PDZD7: variants seen among roughly 807,000 people sequenced by gnomAD.
PDZD7 encodes the protein PDZ domain-containing protein 7.
A neutral mutation model predicts 84.7 loss-of-function variants in PDZD7; 72 were observed. That is an observed-to-expected ratio of 0.85 (90% CI 0.70 to 1.03). The LOEUF is 1.03. Among genes scored for constraint, PDZD7 ranks in the 50% least tolerant of loss-of-function variants. The pLI is 0.00. For synonymous variants in PDZD7, 594 were observed against 580.7 expected (o/e 1.02, Z -0.33); for missense variants, 1,490 against 1,412.9 (o/e 1.05, Z -0.87).
chr10:101,008,456 T>TA lies in PDZD7; in HGVS notation c.*10dup. The TA allele has an allele frequency of 6.7e-7, 1 of 1,487,904 alleles. No homozygotes were observed. Among genetic ancestry groups the TA allele is most frequent in the African/African-American group, 1.4e-5 (1 of 70,518 alleles). The allele number at this position is 1,487,904 out of a possible 1,614,324, so 92.2% of individuals were successfully genotyped here. ...TGGAGTCAGTGGGTGAATCTGAGGTTAGGGGGAGGGTCATGGGATGCGTGG... is the reference window on the plus strand; with the variant it reads ...TGGAGTCAGTGGGTGAATCTGAGGTTAAGGGGGAGGGTCATGGGATGCGTGG... On this transcript the variant is annotated 3_prime_UTR_variant, in exon 17 of 17. Coordinates refer to ENST00000619208, the MANE Select transcript of PDZD7 (RefSeq NM_001195263.2).
In PDZD7 at chr10:101,010,445, G is replaced by A. The variant is rs773325280; in HGVS notation, c.2444C>T (p.Pro815Leu). 9 of 1,535,988 alleles carry A rather than the reference G, an allele frequency of 5.9e-6. No individual in the cohort carries two copies. The South Asian group carries it at 1.1e-4, about 18-fold the overall frequency. ...TGGCAGAGGGGGTCTGGCCTTCCGA[G>A]GCTTGTGGTAGCGCCCATTGGTCAT... ...PSMTNGRYHK[P>L]RKARPPLPRP... is the part of the protein sequence containing the mutation. The change falls in exon 15 of 17, where the codon CCT (proline) becomes CTT (leucine). Residue 815 changes from proline to leucine, a missense_variant. By Grantham distance (98) the Pro-to-Leu change is moderately conservative. Coordinates refer to ENST00000619208, the MANE Select transcript of PDZD7 (RefSeq NM_001195263.2).
intron 7 of PDZD7, among the ~76,000 whole-genome samples, chr10:101,019,566 TC>T (rs1852946295): frequency 2.9e-5 from 4 of 135,766 alleles, no homozygotes; most frequent in African/African-American, 9.2e-5. Flanking sequence ...CTCCTCCTCC[TC>T]CTCCTCCTCC....
Position 101,013,357 on chromosome 10 carries a change from G to A in PDZD7, c.1750-1099C>T, listed in dbSNP as rs116383340. ...CCTGTCTCAGATCTTCAGGAACTGG[G>A]TCTAGTGGGAGCGAGGGGAAGATGA... On this transcript the variant is annotated intron_variant, in intron 11 of 16. Coordinates refer to ENST00000619208, the MANE Select transcript of PDZD7 (RefSeq NM_001195263.2). Among the ~76,000 whole-genome samples, 967 of 152,316 alleles carry A rather than the reference G, an allele frequency of 6.3e-3. 13 individuals carry two copies. The highest frequency in any genetic ancestry group is 0.022 in the African/African-American group (931 of 41,564).
intron 2 of PDZD7, among the ~76,000 whole-genome samples, chr10:101,025,983 A>G (rs1232331607): frequency 1.3e-5 from 2 of 152,104 alleles, no homozygotes; most frequent in African/African-American, 2.4e-5. Flanking sequence ...GTGATTCTGG[A>G]AGTCAGAGTT....
rs187011281 is a variant in PDZD7 at position 101,009,676 on chromosome 10, C to T, written c.2618-326G>A. Among the ~76,000 whole-genome samples, 222 of 132,702 alleles carry T rather than the reference C, an allele frequency of 1.7e-3. No homozygotes were observed. In the East Asian group the frequency reaches 0.021, roughly 12 times the overall value. The allele number at this position is 132,702 out of a possible 152,430, so 87.1% of individuals were successfully genotyped here. A position where few individuals can be genotyped will look rare whatever the true frequency, so the allele number is the denominator to read the frequency against. ...AGGCTGGAGTGCAATGGCACGATCT[C>T]GGCTCACCGCAACCTCCGCCTCCCG... is the stretch of plus-strand genomic sequence containing the variant. On this transcript the variant is annotated intron_variant, in intron 15 of 16. Coordinates refer to ENST00000619208, the MANE Select transcript of PDZD7 (RefSeq NM_001195263.2).
In PDZD7 at chr10:101,008,752, G is replaced by A. The variant is rs940669870; in HGVS notation, c.2817C>T (p.Ala939=). ...DTIRRAYRNK[A]REPMELVVRV... ...TGACCACAAGCTCCATGGGCTCCCG[G>A]GCCTTGTTTCGATAAGCCCGACGGA... is the stretch of plus-strand genomic sequence containing the variant. Residue 939 remains alanine (A), a synonymous_variant, in exon 17 of 17, where the codon GCC becomes GCT. Coordinates refer to ENST00000619208, the MANE Select transcript of PDZD7 (RefSeq NM_001195263.2). The A allele has an allele frequency of 3.3e-6, 5 of 1,535,820 alleles. No homozygotes were observed. The highest frequency in any genetic ancestry group is 1.2e-5 in the South Asian group (1 of 84,050).
In PDZD7 at chr10:101,010,758, G is replaced by T. The variant is rs1402819603; in HGVS notation, c.2131C>A (p.His711Asn). Residue 711 changes from histidine to asparagine, a missense_variant, in exon 15 of 17, where the codon CAT becomes AAT. Coordinates refer to ENST00000619208, the MANE Select transcript of PDZD7 (RefSeq NM_001195263.2). ...TCTTGTAGAGGGGGGATCCCTTTAT[G>T]GGGGTGGCGAGGGGCAGAGGCACTT... ...SPSASAPRHP[H>N]KGIPPLQDVP... 1.3e-6 allele frequency: 2 copies of T among 1,534,782 alleles called. No homozygotes were observed. The highest frequency in any genetic ancestry group is 2.0e-5 in the Admixed American group (1 of 50,950).
rs904110582 is a variant in PDZD7 at position 101,021,957 on chromosome 10, C to T, written c.720-12G>A. ...CACCATGGTCCACTCTGAGGCCAGACAGGCGTCAGTCTGATAGGCCCCTGG... is the reference window on the plus strand; with the variant it reads ...CACCATGGTCCACTCTGAGGCCAGATAGGCGTCAGTCTGATAGGCCCCTGG... On this transcript the variant is annotated splice_polypyrimidine_tract_variant and intron_variant, in intron 5 of 16. Transcript: ENST00000619208. The T allele has an allele frequency of 6.2e-7, 1 of 1,614,082 alleles. No individual in the cohort carries two copies. Among genetic ancestry groups the T allele is most frequent in the Non-Finnish European group, 8.5e-7 (1 of 1,180,012 alleles).
intron 9 of PDZD7, chr10:101,017,717 C>T (rs1227627511): frequency 2.9e-5 from 19 of 648,700 alleles, no homozygotes; most frequent in Non-Finnish European, 4.5e-5. Flanking sequence ...GCGTGGGAGG[C>T]GCAGGTCGCA....
chr10:101,017,775 A>C (rs1057309140), intron 9 of PDZD7: 7 of 526,244 alleles, frequency 1.3e-5, no homozygotes, highest in Non-Finnish European at 2.3e-5. Context: ...AACAAGAGCA[A>C]AACTCCATCT....
At chr10:101,018,762 T>G in intron 8 of PDZD7, 60 bp downstream of exon 8, 6 of 1,505,150 alleles carry the variant, frequency 4.0e-6, no homozygotes, top group Non-Finnish European at 4.4e-6. Flanking sequence ...GGACAGGATG[T>G]GAGACAGGTT....
At chr10:101,016,788 C>T (rs966340613) in intron 9 of PDZD7, among the ~76,000 whole-genome samples, 2 of 151,998 alleles carry the variant, frequency 1.3e-5, no homozygotes, top group Admixed American at 1.3e-4. Flanking sequence ...GAGGAGTGGC[C>T]AGAGAGGTGG....
In PDZD7 at chr10:101,026,173, C is replaced by T. The variant is rs185508773; in HGVS notation, c.227-2105G>A. ...TTTTTGAGACGGAATCTCGCTTCTT[C>T]TCCCAGGCTGGAGTGCAATGGCTCA... is the stretch of plus-strand genomic sequence containing the variant. On this transcript the variant is annotated intron_variant, in intron 2 of 16. Transcript: ENST00000619208. 1.8e-3 allele frequency among the ~76,000 whole-genome samples: 272 copies of T among 151,530 alleles called. 2 individuals carry two copies. Among genetic ancestry groups the T allele is most frequent in the East Asian group, 3.5e-3 (18 of 5,134 alleles).
In PDZD7 at chr10:101,008,776, G is replaced by T. The variant is rs890586648; in HGVS notation, c.2793C>A (p.Ile931=). 1 of 1,535,438 alleles carries T rather than the reference G, an allele frequency of 6.5e-7. No homozygotes were observed. The highest frequency in any genetic ancestry group is 2.4e-5 in the East Asian group (1 of 40,894). Residue 931 remains isoleucine, a synonymous_variant, in exon 17 of 17, where the codon ATC becomes ATA. Transcript: ENST00000619208. ...QVTHQRAVDT[I]RRAYRNKARE... is the part of the protein sequence containing the mutation. The stretch of plus-strand genomic sequence containing the variant: ...GGGCCTTGTTTCGATAAGCCCGACG[G>T]ATGGTGTCTACTGCACGCTGGTGGG...
Position 101,023,972 on chromosome 10 carries a change from C to G in PDZD7, c.323G>C (p.Gly108Ala). Residue 108 changes from glycine to alanine, a missense_variant, in exon 3 of 17, where the codon GGC becomes GCC. Gly to Ala is a moderately conservative substitution (Grantham distance 60). Transcript: ENST00000619208. Reference protein sequence around the residue: ...GFSVRGGSEHGLGIFVSKVEE... With the variant: ...GFSVRGGSEHALGIFVSKVEE... ...CACTTTGCTGACGAAGATGCCCAGG[C>G]CATGCTCTGAGCCCCCGCGCACGCT... 1.2e-6 allele frequency: 2 copies of G among 1,614,254 alleles called. No homozygotes were observed. The highest frequency in any genetic ancestry group is 1.7e-6 in the Non-Finnish European group (2 of 1,180,052).
intron 3 of PDZD7, 31 bp from the exon 4 acceptor site, chr10:101,023,641 G>A (rs757501847): frequency 4.4e-6 from 7 of 1,606,768 alleles, no homozygotes; most frequent in Non-Finnish European, 5.9e-6. Flanking sequence ...GGCTGGCATG[G>A]GTCCCCAGGG....
intron 10 of PDZD7, among the ~76,000 whole-genome samples, chr10:101,016,056 C>T (rs191997927): frequency 7.2e-5 from 11 of 152,142 alleles, no homozygotes; most frequent in Non-Finnish European, 1.3e-4. Flanking sequence ...CCCCCAGGGC[C>T]CCCTGAACAT....
intron 7 of PDZD7, among the ~76,000 whole-genome samples, chr10:101,019,506 C>T (rs187759259): frequency 1.4e-5 from 2 of 147,484 alleles, no homozygotes; most frequent in African/African-American, 2.4e-5. Context: ...GTCTTGGTTC[C>T]TGTGCTTTTC....
chr10:101,018,433 G>T, intron 8 of PDZD7, 137 bp from the exon 9 acceptor site: 1 of 938,814 alleles, frequency 1.1e-6, no homozygotes, highest in Non-Finnish European at 1.6e-6. Context: ...GGGTGAGAGT[G>T]CGGTTCCTCT....
Sources: gnomAD v4.1 joint callset for allele counts (sites outside exome capture counted in the v4.1 genomes callset) on GRCh38, gnomAD v4.1.1 for gene constraint, MANE v1.5 for transcripts, NCBI Gene and HGNC (gene_info 2026-07-23, HGNC 2026-07-21) for gene names.